Variants in HFM1 observed in about 807,000 individuals in gnomAD.
HFM1 encodes probable ATP-dependent DNA helicase HFM1.
A neutral mutation model predicts 192.1 loss-of-function variants in HFM1; 169 were observed. That is an observed-to-expected ratio of 0.88 (90% CI 0.78 to 1.00). The LOEUF (loss-of-function observed/expected upper bound fraction) is 1.00. Among genes scored for constraint, HFM1 ranks in the 50% least tolerant of loss-of-function variants. The probability of loss-of-function intolerance (pLI) is 0.00; values close to 1 mark genes in which losing one functional copy is unlikely to be tolerated. For synonymous variants in HFM1, 525 were observed against 537.8 expected, an observed-to-expected ratio of 0.98 and a Z score of 0.33; for missense variants, 1,661 against 1,668.0, an observed-to-expected ratio of 1.00 and a Z score of 0.07.
intron 30 of HFM1, among the ~76,000 whole-genome samples, chr1:91,290,962 A>T (rs1210912398): frequency 2.6e-5 from 4 of 152,196 alleles, no homozygotes; most frequent in African/African-American, 9.7e-5. Flanking sequence ...CTGGGTACAT[A>T]ACGAAATGAA....
intron 4 of HFM1, among the ~76,000 whole-genome samples, chr1:91,393,583 T>A (rs1663271370): frequency 6.6e-6 from 1 of 152,140 alleles, no homozygotes; most frequent in South Asian, 2.1e-4. Context: ...TCCTAAATAA[T>A]TCTGGATTGT....
chr1:91,402,185 A>G (rs1017169794), intron 1 of HFM1, among the ~76,000 whole-genome samples: 2 of 152,204 alleles, frequency 1.3e-5, no homozygotes, highest in Non-Finnish European at 2.9e-5. Context: ...TTACCAAGTC[A>G]GATTATGTCT....
intron 19 of HFM1, 34 bp downstream of exon 19, chr1:91,347,395 T>C (rs568189375): frequency 1.2e-5 from 15 of 1,277,542 alleles, no homozygotes; most frequent in Middle Eastern, 3.9e-4. Context: ...CTAAAATATA[T>C]AGAATCTAAT....
At chr1:91,377,473 GA>G (rs1661040070) in intron 11 of HFM1, 1 of 151,922 alleles carries the variant, frequency 6.6e-6, no homozygotes, top group African/African-American at 2.4e-5. Context: ...AAAAATTGAA[GA>G]AAAAATTAAG....
At chr1:91,369,760 T>C (rs976147555) in intron 13 of HFM1, among the ~76,000 whole-genome samples, 1 of 151,682 alleles carries the variant, frequency 6.6e-6, no homozygotes, top group Non-Finnish European at 1.5e-5. Flanking sequence ...CTGAAGGAAA[T>C]AGAGACACAA....
At chr1:91,264,361 A>ATTTCTCTTTTTTTTTTTTTTT (rs1665483482) in intron 36 of HFM1, among the ~76,000 whole-genome samples, 1 of 57,058 alleles carries the variant, frequency 1.8e-5, no homozygotes, top group Non-Finnish European at 3.0e-5. Context: ...CAAATTTAGT[A>ATTTCTCTTTTTTTTTTTTTTT]TTTTTTTTTT....
intron 20 of HFM1, among the ~76,000 whole-genome samples, chr1:91,343,010 A>T (rs951811893): frequency 1.5e-4 from 23 of 151,960 alleles, no homozygotes; most frequent in African/African-American, 5.5e-4. Context: ...GGCAGATCAC[A>T]AGGTCAGGAG....
intron 30 of HFM1, among the ~76,000 whole-genome samples, chr1:91,302,199 C>A (rs963983714): frequency 4.0e-5 from 6 of 151,166 alleles, no homozygotes; most frequent in Non-Finnish European, 7.4e-5. Flanking sequence ...TCATGATTGG[C>A]CATCAGAGAA....
chr1:91,335,851 C>T (rs1654494586), intron 20 of HFM1, among the ~76,000 whole-genome samples: 1 of 152,074 alleles, frequency 6.6e-6, no homozygotes. Context: ...CATGAGATGG[C>T]CCCAGTCAAT....
In HFM1 at chr1:91,351,660, C is replaced by T. The variant is rs1656952779; in HGVS notation, c.1978-17G>A. On this transcript the variant is annotated splice_polypyrimidine_tract_variant and intron_variant, in intron 16 of 38. Transcript: ENST00000370425. ...AGTGTCAAACTGGGGAGAAAACAAA[C>T]AGAAATTTAGTGAAGAAGAGCACAT... The T allele has an allele frequency of 6.9e-7, 1 of 1,447,922 alleles. No individual in the cohort carries two copies. The highest frequency in any genetic ancestry group is 1.4e-5 in the African/African-American group (1 of 70,818). The allele number at this position is 1,447,922 out of a possible 1,614,324, so 89.7% of individuals were successfully genotyped here. A position where few individuals can be genotyped will look rare whatever the true frequency, so the allele number is the denominator to read the frequency against.
At chr1:91,368,637 C>G (rs1285676758) in intron 13 of HFM1, among the ~76,000 whole-genome samples, 1 of 152,134 alleles carries the variant, frequency 6.6e-6, no homozygotes, top group African/African-American at 2.4e-5. Context: ...CCAGCCACTG[C>G]AAAAACATGC....
chr1:91,263,041 C>A (rs1570699826), intron 36 of HFM1, among the ~76,000 whole-genome samples: 1 of 152,094 alleles, frequency 6.6e-6, no homozygotes, highest in East Asian at 1.9e-4. Context: ...TTCACTAAAA[C>A]ACATTTATTA....
rs556347595 is a variant in HFM1, at chr1:91,305,101, G to A, written c.3391+8248C>T. 2.0e-5 allele frequency among the ~76,000 whole-genome samples: 3 copies of A among 152,244 alleles called. No individual in the cohort carries two copies. The East Asian group carries it at 5.8e-4, about 29-fold the overall frequency. On this transcript the variant is annotated intron_variant, in intron 30 of 38. Transcript: ENST00000370425. Reference sequence around the variant, plus strand: ...AACAAGTTTTGAAACCAAGAATTGTGAGTCCTCTACCTTCCTTCTTTTTCT... The same window carrying A: ...AACAAGTTTTGAAACCAAGAATTGTAAGTCCTCTACCTTCCTTCTTTTTCT...
intron 30 of HFM1, among the ~76,000 whole-genome samples, chr1:91,297,148 C>A (rs927959358): frequency 6.6e-6 from 1 of 152,206 alleles, no homozygotes; most frequent in Admixed American, 6.5e-5. Flanking sequence ...GATTATATCA[C>A]GCGCCTGGCT....
chr1:91,394,520 C>T lies in HFM1; in HGVS notation c.185-118G>A, dbSNP rs141494850. 157 of 630,604 alleles carry T rather than the reference C, an allele frequency of 2.5e-4. 1 individual carries two copies. The East Asian group carries it at 4.1e-3, about 16-fold the overall frequency. The allele number at this position is 630,604 out of a possible 1,614,324, so 39.1% of individuals were successfully genotyped here. Reference sequence around the variant, plus strand: ...AAGTATGAAAGCCAAAAGCAAAGCACTAGTAATAAGCTCATCTGTAATACC... The same window carrying T: ...AAGTATGAAAGCCAAAAGCAAAGCATTAGTAATAAGCTCATCTGTAATACC... On this transcript the variant is annotated intron_variant, in intron 3 of 38. Transcript: ENST00000370425.
rs563855820 is a variant in HFM1, at chr1:91,324,684, T to C, written c.2418A>G (p.Leu806=). ...GTGAAAATTAATTTACCAGATCTGA[T>C]AAGGTTTCTTTTCCACTGATTGTAT... ...KFYTISGKET[L]SDLVTLIAGC... is the part of the protein sequence containing the mutation. Residue 806 remains leucine, a synonymous_variant, in exon 21 of 39, where the codon TTA becomes TTG. Transcript: ENST00000370425. 1.4e-6 allele frequency: 2 copies of C among 1,413,916 alleles called. No individual in the cohort carries two copies. The highest frequency in any genetic ancestry group is 1.2e-5 in the South Asian group (1 of 86,450). 87.6% of individuals were successfully genotyped at this position (1,413,916 alleles called of 1,614,324 possible). A position where few individuals can be genotyped will look rare whatever the true frequency, so the allele number is the denominator to read the frequency against.
intron 4 of HFM1, among the ~76,000 whole-genome samples, chr1:91,389,669 TTTG>T (rs1162014852): frequency 6.6e-6 from 1 of 152,130 alleles, no homozygotes; most frequent in Admixed American, 6.5e-5. Flanking sequence ...TAAACAAATG[TTTG>T]TTATTTACAC....
chr1:91,395,686 T>C (rs1663570659), intron 3 of HFM1, among the ~76,000 whole-genome samples: 1 of 152,078 alleles, frequency 6.6e-6, no homozygotes, highest in Non-Finnish European at 1.5e-5. Flanking sequence ...GAAATTTTAA[T>C]TGTTTACATA....
chr1:91,377,757 T>C (rs972969905), intron 11 of HFM1: 1 of 424,922 alleles, frequency 2.4e-6, no homozygotes, highest in Non-Finnish European at 4.2e-6. Context: ...GAAGTTACTA[T>C]GAGGCACCTG....
Sources: gnomAD v4.1 joint callset for allele counts (sites outside exome capture counted in the v4.1 genomes callset) on GRCh38, gnomAD v4.1.1 for gene constraint, MANE v1.5 for transcripts, NCBI Gene and HGNC (gene_info 2026-07-23, HGNC 2026-07-21) for gene names.